The following NUP210L variants were observed in gnomAD, a reference collection of about 807,000 sequenced individuals.
NUP210L encodes the protein nuclear pore membrane glycoprotein 210-like.
Under a neutral mutation model 208.5 loss-of-function variants are expected in NUP210L, and 74 were observed. That is an observed-to-expected ratio of 0.35 (90% CI 0.29 to 0.43). NUP210L has a LOEUF of 0.43. Ranked by LOEUF, NUP210L falls within the 20% of genes least tolerant of loss-of-function variation. The probability of loss-of-function intolerance (pLI) is 1.00; values close to 1 mark genes in which losing one functional copy is unlikely to be tolerated. For synonymous variants in NUP210L, 780 were observed against 816.9 expected (o/e 0.95, Z 0.77); for missense variants, 1,843 against 2,289.4 (o/e 0.81, Z 3.98).
At chr1:154,013,499 G>A (rs776769182) in intron 33 of NUP210L, among the ~76,000 whole-genome samples, 17 of 151,974 alleles carry the variant, frequency 1.1e-4, no homozygotes, top group Non-Finnish European at 1.8e-4. Flanking sequence ...GCTTGAACTC[G>A]GGAGGCGGAG....
intron 10 of NUP210L, among the ~76,000 whole-genome samples, chr1:154,125,275 C>A (rs1325742432): frequency 1.3e-5 from 2 of 151,930 alleles, no homozygotes; most frequent in Non-Finnish European, 2.9e-5. Context: ...CATGGTGAAA[C>A]CCTGTCTCTA....
At chr1:154,057,269 G>A (rs1653919017) in intron 22 of NUP210L, among the ~76,000 whole-genome samples, 1 of 152,042 alleles carries the variant, frequency 6.6e-6, no homozygotes, top group South Asian at 2.1e-4. Context: ...GAGTCACCAC[G>A]CTTGGCCAAG....
intron 12 of NUP210L, 38 bp from the exon 13 acceptor site, chr1:154,104,248 TAA>T (rs573333406): frequency 6.4e-7 from 1 of 1,571,560 alleles, no homozygotes; most frequent in East Asian, 2.2e-5. Context: ...AAAGTTATGT[TAA>T]AAAAAAGTCT....
chr1:154,135,875 G>T (rs201320832), exon 7 of NUP210L: 1 of 1,613,410 alleles, frequency 6.2e-7, no homozygotes, highest in Non-Finnish European at 8.5e-7. Flanking sequence ...TGGCTGTTTT[G>T]TCATCCAGTA....
At chr1:153,998,255 T>C (rs936527134) in intron 37 of NUP210L, among the ~76,000 whole-genome samples, 5 of 152,176 alleles carry the variant, frequency 3.3e-5, no homozygotes, top group East Asian at 1.9e-4. Flanking sequence ...TAGTGGTCAA[T>C]TGAAAATAAA....
At chr1:154,044,938 A>T (rs1300270083) in intron 27 of NUP210L, among the ~76,000 whole-genome samples, 1 of 152,114 alleles carries the variant, frequency 6.6e-6, no homozygotes, top group Non-Finnish European at 1.5e-5. Context: ...GCATCAAAAC[A>T]TCAAAGCTTT....
chr1:154,054,775 T>C (rs1653716875), exon 24 of NUP210L: 3 of 1,610,872 alleles, frequency 1.9e-6, no homozygotes, highest in African/African-American at 1.3e-5. Flanking sequence ...TTCACCTGCA[T>C]CATATTCATT....
chr1:153,996,967 T>G (rs986560036), intron 37 of NUP210L, among the ~76,000 whole-genome samples: 4 of 150,906 alleles, frequency 2.7e-5, no homozygotes, highest in Admixed American at 1.3e-4. Context: ...ATGTCCGACT[T>G]TTTTTTTGTT....
chr1:154,031,661 A>C (rs962904552), intron 27 of NUP210L, among the ~76,000 whole-genome samples: 1 of 151,158 alleles, frequency 6.6e-6, no homozygotes, highest in East Asian at 1.9e-4. Flanking sequence ...GGCTTATTTC[A>C]CTTAACATAG....
In NUP210L at chr1:154,007,293, G is replaced by A. The variant is rs148935934; in HGVS notation, c.4930+2679C>T. Among the ~76,000 whole-genome samples, 127 of 149,790 alleles carry A rather than the reference G, an allele frequency of 8.5e-4. 2 individuals are homozygous for A. In the East Asian group the frequency reaches 0.023, roughly 28 times the overall value. On this transcript the variant is annotated intron_variant, in intron 35 of 39. Coordinates refer to ENST00000368559, the Ensembl canonical transcript of NUP210L. Reference sequence around the variant, plus strand: ...TATATTTTTTTTGAGACAGATTTTCGCTCTTGTTGCCCAGGTTGGAGTGCA... The same window carrying A: ...TATATTTTTTTTGAGACAGATTTTCACTCTTGTTGCCCAGGTTGGAGTGCA...
At chr1:154,030,688 G>GT (rs995045342) in intron 27 of NUP210L, among the ~76,000 whole-genome samples, 9 of 152,008 alleles carry the variant, frequency 5.9e-5, no homozygotes, top group African/African-American at 2.2e-4. Context: ...TCACATCAGG[G>GT]TAAGTGGGGT....
intron 12 of NUP210L, 36 bp from the exon 13 acceptor site, chr1:154,104,246 G>GT (rs1434324266): frequency 1.3e-6 from 2 of 1,580,172 alleles, no homozygotes; most frequent in East Asian, 2.2e-5. Context: ...AGAAAGTTAT[G>GT]TTAAAAAAAA....
Position 154,056,801 on chromosome 1 carries a change from G to C in NUP210L, c.3240+14C>G, listed in dbSNP as rs1012423993. ...AAGAAAAAGTACAAATTTTGGATGA[G>C]ATAATTTCCTTACTTCAATGTGCCG... is the stretch of plus-strand genomic sequence containing the variant. On this transcript the variant is annotated intron_variant, in intron 23 of 39. Transcript: ENST00000368559. 6.4e-7 allele frequency: 1 copy of C among 1,553,664 alleles called. No homozygotes were observed. The highest frequency in any genetic ancestry group is 8.6e-7 in the Non-Finnish European group (1 of 1,157,358).
intron 35 of NUP210L, among the ~76,000 whole-genome samples, chr1:154,003,915 C>A (rs936115690): frequency 6.6e-5 from 10 of 152,066 alleles, no homozygotes; most frequent in African/African-American, 2.4e-4. Flanking sequence ...GGTCTAGACC[C>A]TTATCAATGC....
chr1:154,010,173 AAAG>A (rs1650824293), intron 34 of NUP210L, 52 bp from the exon 35 acceptor site: 1 of 1,566,084 alleles, frequency 6.4e-7, no homozygotes, highest in Non-Finnish European at 8.7e-7. Flanking sequence ...GAATTTGTAA[AAAG>A]AGAGACCATT....
chr1:154,054,227 C>T lies in NUP210L; in HGVS notation c.3483+1G>A. ...AGCAGAGCAGAGCAAATAACCAATA[C>T]CTGAGAAAACACAATGACTTTGCCA... On this transcript the variant is annotated splice_donor_variant, in intron 25 of 39. Transcript: ENST00000368559. LOFTEE classifies it high-confidence loss of function. The T allele has an allele frequency of 6.2e-7, 1 of 1,614,042 alleles. No individual in the cohort carries two copies. Among genetic ancestry groups the T allele is most frequent in the Non-Finnish European group, 8.5e-7 (1 of 1,179,906 alleles).
chr1:154,060,830 T>C (rs918440569), intron 19 of NUP210L, 112 bp downstream of exon 19: 1 of 792,928 alleles, frequency 1.3e-6, no homozygotes, highest in Admixed American at 2.5e-5. Context: ...GTTTTACATA[T>C]ATGTATCAAT....
At chr1:154,146,607 T>A (rs1291038819) in intron 2 of NUP210L, among the ~76,000 whole-genome samples, 8 of 81,240 alleles carry the variant, frequency 9.8e-5, no homozygotes, top group South Asian at 5.5e-4. Flanking sequence ...AAGAGCAAGA[T>A]CCCATCCCCC....
intron 23 of NUP210L, 95 bp from the exon 24 acceptor site, chr1:154,054,927 G>T: frequency 1.3e-6 from 1 of 789,830 alleles, no homozygotes; most frequent in Non-Finnish European, 2.2e-6. Flanking sequence ...TTTAGACAGA[G>T]TCTTGCTCTG....
Sources: allele counts gnomAD v4.1 joint callset (sites outside exome capture counted in the v4.1 genomes callset), GRCh38; gene constraint gnomAD v4.1.1; transcripts MANE v1.5; gene names NCBI Gene and HGNC (gene_info 2026-07-23, HGNC 2026-07-21).